The following SLC24A2 variants were observed in gnomAD, a reference collection of about 807,000 sequenced individuals.
SLC24A2 encodes sodium/potassium/calcium exchanger 2.
Under a neutral mutation model 62.0 loss-of-function variants are expected in SLC24A2, and 36 were observed. The ratio of observed to expected loss-of-function variants is 0.58; its 90% CI spans 0.44 to 0.77. The LOEUF is 0.77. SLC24A2 is among the 30% of genes least tolerant of loss of function. The pLI, the probability that SLC24A2 is intolerant of heterozygous loss-of-function variation, is 0.00. For missense variants in SLC24A2, 846 were observed against 817.9 expected (o/e 1.03, Z -0.42); for synonymous variants, 358 against 294.0 (o/e 1.22, Z -2.23).
At chr9:20,264,546 T>C in the SLC24A2 span, among the ~76,000 whole-genome samples, 9 of 152,322 alleles carry the variant, frequency 5.9e-5, no homozygotes, top group African/African-American at 7.2e-5. Flanking sequence ...TCAAACACAA[T>C]TGGCATTCAA....
intron 2 of SLC24A2, among the ~76,000 whole-genome samples, chr9:19,692,277 T>C (rs898384588): frequency 5.9e-5 from 9 of 152,198 alleles, no homozygotes; most frequent in Non-Finnish European, 1.3e-4. Flanking sequence ...CACAAAACAG[T>C]TGCCACTTGA....
chr9:19,621,759 T>C (rs1162656927), intron 3 of SLC24A2, among the ~76,000 whole-genome samples: 1 of 151,950 alleles, frequency 6.6e-6, no homozygotes, highest in Admixed American at 6.6e-5. Context: ...AGATCTTCAT[T>C]TGAAAAAGAT....
chr9:19,951,100 C>T, the SLC24A2 span, among the ~76,000 whole-genome samples: 9 of 152,210 alleles, frequency 5.9e-5, no homozygotes, highest in South Asian at 1.0e-3. Context: ...GATGAGTTCC[C>T]GCCAGGAAGT....
chr9:19,566,170 G>A (rs1329413193), intron 7 of SLC24A2, among the ~76,000 whole-genome samples: 1 of 151,354 alleles, frequency 6.6e-6, no homozygotes, highest in African/African-American at 2.4e-5. Context: ...CCATCAGAGT[G>A]AACAGGCAAC....
At chr9:19,589,225 A>G (rs1836474595) in intron 5 of SLC24A2, among the ~76,000 whole-genome samples, 1 of 152,248 alleles carries the variant, frequency 6.6e-6, no homozygotes, top group Non-Finnish European at 1.5e-5. Context: ...AATATCCTAA[A>G]TGTTCAACAG....
the SLC24A2 span, among the ~76,000 whole-genome samples, chr9:20,216,177 T>C: frequency 2.0e-5 from 3 of 152,254 alleles, no homozygotes; most frequent in Non-Finnish European, 2.9e-5. Context: ...GTCAGTCTAA[T>C]GCAAAATACG....
At chr9:19,685,293 C>A (rs1433204966) in intron 2 of SLC24A2, among the ~76,000 whole-genome samples, 1 of 152,144 alleles carries the variant, frequency 6.6e-6, no homozygotes. Flanking sequence ...ATTCCATGCT[C>A]ATTGATTGGA....
the SLC24A2 span, among the ~76,000 whole-genome samples, chr9:20,117,690 C>A: frequency 6.6e-6 from 1 of 152,078 alleles, no homozygotes; most frequent in Non-Finnish European, 1.5e-5. Flanking sequence ...ACCTAGTAAA[C>A]GGTGCCAGGT....
chr9:19,561,436 C>CTT (rs10641024), intron 7 of SLC24A2, among the ~76,000 whole-genome samples: 4,012 of 138,136 alleles, frequency 0.029, 107 homozygotes, highest in African/African-American at 0.036. Flanking sequence ...GGAAAACAGA[C>CTT]TTTTTTTTTT....
intron 4 of SLC24A2, among the ~76,000 whole-genome samples, chr9:19,606,268 C>T (rs1015748601): frequency 5.3e-5 from 8 of 152,122 alleles, no homozygotes; most frequent in African/African-American, 1.9e-4. Flanking sequence ...GAATTTTCAT[C>T]ATAAATAATT....
the SLC24A2 span, among the ~76,000 whole-genome samples, chr9:20,280,612 T>A: frequency 6.6e-6 from 1 of 152,208 alleles, no homozygotes; most frequent in Admixed American, 6.5e-5. Flanking sequence ...GTTTTTGTTT[T>A]CATTTATGAA....
chr9:19,522,951 A>G (rs1286170964), intron 9 of SLC24A2, among the ~76,000 whole-genome samples: 2 of 152,220 alleles, frequency 1.3e-5, no homozygotes, highest in Non-Finnish European at 2.9e-5. Flanking sequence ...AACAACTGTT[A>G]CTGTCGGCAA....
At chr9:20,171,313 A>AC in the SLC24A2 span, among the ~76,000 whole-genome samples, 2 of 151,534 alleles carry the variant, frequency 1.3e-5, no homozygotes, top group Admixed American at 1.3e-4. Context: ...ATAAAAAAAA[A>AC]CAAGGTATAC....
intron 2 of SLC24A2, among the ~76,000 whole-genome samples, chr9:19,725,201 T>G (rs965859562): frequency 2.6e-5 from 4 of 152,156 alleles, no homozygotes; most frequent in Non-Finnish European, 5.9e-5. Context: ...CCGCTAAAGA[T>G]CCACAGTGCT....
chr9:19,636,316 T>TTTCTTTTCTTTTCTTTCC lies in SLC24A2; in HGVS notation c.931-14018_931-14017insGGAAAGAAAAGAAAAGAA, dbSNP rs1564009666. 4.1e-4 allele frequency among the ~76,000 whole-genome samples: 4 copies of TTTCTTTTCTTTTCTTTCC among 9,830 alleles called. 1 individual carries two copies. The highest frequency in any genetic ancestry group is 9.2e-4 in the Non-Finnish European group (4 of 4,368). The allele number at this position is 9,830 out of a possible 152,430, so 6.4% of individuals were successfully genotyped here. On this transcript the variant is annotated intron_variant, in intron 2 of 10. Transcript: ENST00000341998. ...TTTCTTTTCTTTTCTTTTCTTTTCTTTTCTTTCTTTCTTTCTTTCTTTCTT... is the reference window on the plus strand; with the variant it reads ...TTTCTTTTCTTTTCTTTTCTTTTCTTTTCTTTTCTTTTCTTTCCTTCTTTCTTTCTTTCTTTCTTTCTT...
the SLC24A2 span, among the ~76,000 whole-genome samples, chr9:20,278,633 A>G: frequency 6.6e-6 from 1 of 152,212 alleles, no homozygotes; most frequent in Non-Finnish European, 1.5e-5. Flanking sequence ...CATTTTGGTC[A>G]AAGCCACTCA....
chr9:19,664,513 G>C (rs1489399264), intron 2 of SLC24A2, among the ~76,000 whole-genome samples: 2 of 152,224 alleles, frequency 1.3e-5, no homozygotes, highest in African/African-American at 4.8e-5. Flanking sequence ...AAAGTGCAAA[G>C]TTATCAGGCA....
chr9:19,570,887 C>G (rs1835817882), intron 7 of SLC24A2, among the ~76,000 whole-genome samples: 1 of 152,176 alleles, frequency 6.6e-6, no homozygotes, highest in Non-Finnish European at 1.5e-5. Flanking sequence ...TCCAGGTCAT[C>G]TGATTGTAAG....
chr9:19,889,311 C>T, the SLC24A2 span, among the ~76,000 whole-genome samples: 1 of 152,082 alleles, frequency 6.6e-6, no homozygotes. Context: ...ATCTGTAGTG[C>T]AAGTTTATTA....
Sources: gnomAD v4.1 joint callset for allele counts (sites outside exome capture counted in the v4.1 genomes callset) on GRCh38, gnomAD v4.1.1 for gene constraint, MANE v1.5 for transcripts, NCBI Gene and HGNC (gene_info 2026-07-23, HGNC 2026-07-21) for gene names.